The following RBPJ variants were observed in gnomAD, a reference collection of about 807,000 sequenced individuals.
RBPJ encodes the protein recombining binding protein suppressor of hairless.
In RBPJ, 9 loss-of-function variants were observed where a neutral mutation model predicts 67.8. That is an observed-to-expected ratio of 0.13 (90% confidence interval 0.08 to 0.23). The LOEUF (loss-of-function observed/expected upper bound fraction) is 0.23, where lower values mean the gene tolerates loss of function less well. Ranked by LOEUF, RBPJ falls within the 10% of genes least tolerant of loss-of-function variation. The probability of loss-of-function intolerance (pLI) is 1.00; values close to 1 mark genes in which losing one functional copy is unlikely to be tolerated. For missense variants in RBPJ, 305 were observed against 595.6 expected (o/e 0.51, Z 5.08); for synonymous variants, 198 against 203.3 (o/e 0.97, Z 0.22).
intron 1 of RBPJ, among the ~76,000 whole-genome samples, chr4:26,253,536 C>T (rs1397400832): frequency 1.3e-5 from 2 of 151,340 alleles, no homozygotes; most frequent in Non-Finnish European, 2.9e-5. Flanking sequence ...TGGTCTCGAT[C>T]TCCTGACCTC....
chr4:26,298,745 G>A (rs1488218385), intron 1 of RBPJ, among the ~76,000 whole-genome samples: 3 of 152,150 alleles, frequency 2.0e-5, no homozygotes, highest in Non-Finnish European at 1.5e-5. Flanking sequence ...GATTCAGGGC[G>A]GGTTGTTGGG....
intron 1 of RBPJ, among the ~76,000 whole-genome samples, chr4:26,291,324 AT>A (rs1421546988): frequency 1.3e-5 from 2 of 150,024 alleles, no homozygotes; most frequent in Non-Finnish European, 3.0e-5. Context: ...ACAAATATTA[AT>A]TTTCATGGCA....
At chr4:26,286,940 C>A (rs183553782) in intron 1 of RBPJ, among the ~76,000 whole-genome samples, 1 of 152,030 alleles carries the variant, frequency 6.6e-6, no homozygotes, top group Non-Finnish European at 1.5e-5. Context: ...GGATGCACCA[C>A]CACGCCTGGC....
At chr4:26,231,874 AATTTTTATTT>A (rs1360260674) in intron 1 of RBPJ, among the ~76,000 whole-genome samples, 4 of 149,514 alleles carry the variant, frequency 2.7e-5, no homozygotes, top group East Asian at 4.0e-4. Context: ...TTTTAATTTT[AATTTTTATTT>A]ATTTTTATTT....
At chr4:26,298,964 A>C (rs1487994823) in intron 1 of RBPJ, among the ~76,000 whole-genome samples, 4 of 152,236 alleles carry the variant, frequency 2.6e-5, no homozygotes, top group African/African-American at 9.6e-5. Flanking sequence ...CGCTTCAAAG[A>C]AAAAAGGTAG....
chr4:26,214,458 G>A (rs1318417447), intron 1 of RBPJ, among the ~76,000 whole-genome samples: 2 of 116,274 alleles, frequency 1.7e-5, no homozygotes, highest in Non-Finnish European at 3.4e-5. Flanking sequence ...GAAAAAGAAA[G>A]AATGAAAGAG....
At chr4:26,394,437 A>G (rs1731893360) in intron 2 of RBPJ, among the ~76,000 whole-genome samples, 1 of 151,792 alleles carries the variant, frequency 6.6e-6, no homozygotes, top group Non-Finnish European at 1.5e-5. Flanking sequence ...ACTCCCTTTA[A>G]TATGGCCCAC....
the RBPJ span, among the ~76,000 whole-genome samples, chr4:26,157,624 T>C: frequency 6.6e-6 from 1 of 152,220 alleles, no homozygotes; most frequent in Non-Finnish European, 1.5e-5. Flanking sequence ...ACTTTTTCAG[T>C]CCCTTTCTAC....
chr4:26,235,522 T>C (rs1719426925), intron 1 of RBPJ, among the ~76,000 whole-genome samples: 1 of 152,260 alleles, frequency 6.6e-6, no homozygotes, highest in East Asian at 1.9e-4. Flanking sequence ...GCAGCTATTC[T>C]TGACCATGCT....
At chr4:26,273,851 G>A (rs1280591634) in intron 1 of RBPJ, among the ~76,000 whole-genome samples, 3 of 152,112 alleles carry the variant, frequency 2.0e-5, no homozygotes, top group African/African-American at 4.8e-5. Flanking sequence ...GAAGCTGAAC[G>A]CAGCCAAGAC....
the RBPJ span, among the ~76,000 whole-genome samples, chr4:26,117,678 A>G: frequency 6.6e-6 from 1 of 152,162 alleles, no homozygotes; most frequent in East Asian, 1.9e-4. Context: ...TAACCCTTTG[A>G]CAAATGAATT....
chr4:26,355,481 C>T (rs1727270637), intron 1 of RBPJ, among the ~76,000 whole-genome samples: 1 of 110,904 alleles, frequency 9.0e-6, no homozygotes, highest in Admixed American at 1.1e-4. Context: ...GACTTCATCT[C>T]TACCAAAAAA....
the RBPJ span, among the ~76,000 whole-genome samples, chr4:26,153,352 C>A: frequency 3.9e-5 from 6 of 152,210 alleles, no homozygotes; most frequent in Non-Finnish European, 5.9e-5. Context: ...GGTAACCAAG[C>A]AGCACAGTAG....
At chr4:26,413,935 C>T (rs537733083) in intron 3 of RBPJ, among the ~76,000 whole-genome samples, 5 of 152,052 alleles carry the variant, frequency 3.3e-5, no homozygotes, top group Admixed American at 6.6e-5. Context: ...AATTGGAGGA[C>T]GGGACCAACA....
At chr4:26,251,349 C>T (rs1226668343) in intron 1 of RBPJ, among the ~76,000 whole-genome samples, 2 of 151,984 alleles carry the variant, frequency 1.3e-5, no homozygotes, top group Non-Finnish European at 2.9e-5. Context: ...AATAAAAAGA[C>T]TCCAGGCAGG....
chr4:26,162,164 G>A (rs1045519905), upstream of RBPJ, among the ~76,000 whole-genome samples: 1 of 152,208 alleles, frequency 6.6e-6, no homozygotes, highest in Admixed American at 6.5e-5. Context: ...AGTGGGATGG[G>A]GGACACAGGA....
At chr4:26,425,818 T>C (rs528493115) in intron 7 of RBPJ, among the ~76,000 whole-genome samples, 9 of 152,190 alleles carry the variant, frequency 5.9e-5, no homozygotes, top group Non-Finnish European at 5.9e-5. Context: ...GAAGAACATT[T>C]AGTATTAATG....
At chr4:26,312,018 TC>T (rs1722444836) in intron 1 of RBPJ, among the ~76,000 whole-genome samples, 1 of 152,244 alleles carries the variant, frequency 6.6e-6, no homozygotes, top group Admixed American at 6.5e-5. Context: ...TATAAATGCT[TC>T]AGTCCAAATT....
At chr4:26,144,493 C>T in the RBPJ span, among the ~76,000 whole-genome samples, 1 of 152,150 alleles carries the variant, frequency 6.6e-6, no homozygotes, top group Admixed American at 6.5e-5. Flanking sequence ...TGGTCTCAAA[C>T]CCCTGACCTC....
Sources: allele counts gnomAD v4.1 joint callset (sites outside exome capture counted in the v4.1 genomes callset), GRCh38; gene constraint gnomAD v4.1.1; transcripts MANE v1.5; gene names NCBI Gene and HGNC (gene_info 2026-07-23, HGNC 2026-07-21).